Variants in OSBPL8 observed in about 807,000 individuals in gnomAD.
OSBPL8 encodes the protein oxysterol-binding protein-related protein 8.
OSBPL8 carries 59 observed loss-of-function variants against 125.5 expected under a neutral mutation model. That is an observed-to-expected ratio of 0.47 (90% CI 0.38 to 0.58). The LOEUF (loss-of-function observed/expected upper bound fraction) is 0.58. OSBPL8 is among the 20% of genes least tolerant of loss of function. The pLI is 0.00. For synonymous variants in OSBPL8, 330 were observed against 338.9 expected (o/e 0.97, Z 0.29); for missense variants, 758 against 1,047.8 (o/e 0.72, Z 3.82).
rs989354147 is a variant in OSBPL8 at position 76,369,571 on chromosome 12, T to G, written c.2240+66A>C. The G allele has an allele frequency of 2.0e-6, 3 of 1,488,764 alleles. No homozygotes were observed. The African/African-American group carries it at 4.2e-5, about 21-fold the overall frequency. The allele number at this position is 1,488,764 out of a possible 1,614,324, so 92.2% of individuals were successfully genotyped here. ...TAAAAACTACTCCAGCAACAAATAT[T>G]CTAGAAATAAAGGCAACAAACCATG... On this transcript the variant is annotated intron_variant, in intron 20 of 23. Transcript: ENST00000261183.
intron 15 of OSBPL8, among the ~76,000 whole-genome samples, chr12:76,379,109 A>G (rs1373169909): frequency 6.6e-6 from 1 of 152,176 alleles, no homozygotes; most frequent in Non-Finnish European, 1.5e-5. Context: ...GTTACAAGAA[A>G]ATGAGAAAAC....
intron 4 of OSBPL8, among the ~76,000 whole-genome samples, chr12:76,435,101 C>G (rs1871286853): frequency 6.6e-6 from 1 of 151,738 alleles, no homozygotes; most frequent in Non-Finnish European, 1.5e-5. Flanking sequence ...ATGGAAACAA[C>G]CTAAATGTCC....
chr12:76,410,703 G>A, intron 4 of OSBPL8, 69 bp from the exon 5 acceptor site: 4 of 1,064,916 alleles, frequency 3.8e-6, no homozygotes, highest in Non-Finnish European at 5.8e-6. Flanking sequence ...TCATTTTCAA[G>A]TATAGACTAT....
chr12:76,538,695 C>T lies in OSBPL8; in HGVS notation c.-68+20702G>A, dbSNP rs569629569. 4.6e-5 allele frequency among the ~76,000 whole-genome samples: 7 copies of T among 152,154 alleles called. No individual in the cohort carries two copies. In the East Asian group the frequency reaches 1.2e-3, roughly 25 times the overall value. On this transcript the variant is annotated intron_variant, in intron 1 of 23. Coordinates refer to ENST00000261183, the MANE Select transcript of OSBPL8 (RefSeq NM_020841.5). ...CAGTGCAGTGGCTCACACCTGTAAT[C>T]CCAGCACTTTGGGAGGCCAAGGCAG...
intron 1 of OSBPL8, among the ~76,000 whole-genome samples, chr12:76,503,779 G>A (rs766642571): frequency 1.4e-4 from 21 of 151,914 alleles, no homozygotes; most frequent in African/African-American, 3.4e-4. Context: ...TCCTGACCTC[G>A]TGATCCACCT....
At chr12:76,538,716 G>C (rs535371490) in intron 1 of OSBPL8, among the ~76,000 whole-genome samples, 68 of 152,210 alleles carry the variant, frequency 4.5e-4, no homozygotes, top group African/African-American at 1.5e-3. Context: ...GGGAGGCCAA[G>C]GCAGGCAGAT....
chr12:76,388,476 T>C (rs1953415221), intron 12 of OSBPL8, among the ~76,000 whole-genome samples: 1 of 152,156 alleles, frequency 6.6e-6, no homozygotes, highest in African/African-American at 2.4e-5. Flanking sequence ...CAAGAAAATC[T>C]TGTGATTCAC....
At chr12:76,487,187 A>G (rs1878238405) in intron 2 of OSBPL8, among the ~76,000 whole-genome samples, 1 of 151,588 alleles carries the variant, frequency 6.6e-6, no homozygotes, top group South Asian at 2.1e-4. Flanking sequence ...GTGCCACCAC[A>G]CCTGGCTAAT....
Position 76,434,252 on chromosome 12 carries a change from GAA to G in OSBPL8, c.217+16597_217+16598del, listed in dbSNP as rs548081912. Among the ~76,000 whole-genome samples the G allele has an allele frequency of 5.1e-3, 772 of 152,240 alleles. 7 individuals are homozygous for G. The highest frequency in any genetic ancestry group is 0.018 in the African/African-American group (745 of 41,540). ...CAGTGTGCCAAGAACATACAATGAG[GAA>G]AAGATATTCTCTTCAATAAATGGTG... is the stretch of plus-strand genomic sequence containing the variant. On this transcript the variant is annotated intron_variant, in intron 4 of 23. Transcript: ENST00000261183.
At chr12:76,492,692 G>A (rs985032882) in intron 1 of OSBPL8, among the ~76,000 whole-genome samples, 8 of 152,262 alleles carry the variant, frequency 5.3e-5, no homozygotes, top group African/African-American at 1.9e-4. Context: ...ATGCCTGATG[G>A]TCTGTAACTG....
intron 4 of OSBPL8, 130 bp downstream of exon 4, chr12:76,450,721 C>A (rs1873284777): frequency 4.5e-6 from 4 of 889,280 alleles, no homozygotes; most frequent in Non-Finnish European, 5.0e-6. Context: ...ACAAAACAAA[C>A]AAAACCCCTT....
intron 8 of OSBPL8, among the ~76,000 whole-genome samples, chr12:76,396,482 G>C (rs934120633): frequency 1.3e-5 from 2 of 152,160 alleles, no homozygotes; most frequent in African/African-American, 4.8e-5. Context: ...AACTAGGCTA[G>C]GCATGGTGGC....
intron 1 of OSBPL8, among the ~76,000 whole-genome samples, chr12:76,504,322 T>A (rs780000775): frequency 2.0e-5 from 3 of 152,180 alleles, no homozygotes; most frequent in Non-Finnish European, 4.4e-5. Context: ...TATTCATATC[T>A]TATCAATATA....
Position 76,390,390 on chromosome 12 carries a change from C to T in OSBPL8, c.1167+30G>A, listed in dbSNP as rs1953506989. 2.1e-6 allele frequency: 3 copies of T among 1,460,000 alleles called. No individual in the cohort carries two copies. The South Asian group carries it at 3.7e-5, about 18-fold the overall frequency. 90.4% of individuals were successfully genotyped at this position (1,460,000 alleles called of 1,614,324 possible). A position where few individuals can be genotyped will look rare whatever the true frequency, so the allele number is the denominator to read the frequency against. On this transcript the variant is annotated intron_variant, in intron 11 of 23. Transcript: ENST00000261183. ...TAAGAATTCCCAAGAATATGAAAAT[C>T]CAGAACCTCTAAAAATAGCAGACTT... is the stretch of plus-strand genomic sequence containing the variant.
At chr12:76,491,687 A>G (rs1019197953) in intron 1 of OSBPL8, among the ~76,000 whole-genome samples, 1 of 152,190 alleles carries the variant, frequency 6.6e-6, no homozygotes, top group African/African-American at 2.4e-5. Flanking sequence ...AGTGCTTTGC[A>G]TGGTAGACAT....
At chr12:76,452,623 C>A (rs906615913) in intron 3 of OSBPL8, among the ~76,000 whole-genome samples, 7 of 152,170 alleles carry the variant, frequency 4.6e-5, no homozygotes, top group African/African-American at 1.7e-4. Context: ...CTTTTAAAAT[C>A]ATAAATTAGA....
rs756757840 is a variant in OSBPL8, at chr12:76,358,759, G to C, written c.2381C>G (p.Ala794Gly). Residue 794 changes from alanine (A) to glycine (G), a missense_variant, in exon 22 of 24, where the codon GCA becomes GGA. This residue lies in a region of OSBPL8 where 572 missense variants were observed against 762.0 expected (regional missense o/e 0.75). Coordinates refer to ENST00000261183, the MANE Select transcript of OSBPL8 (RefSeq NM_020841.5). ...HKPTRQQKKV[A>G]KGYSSPEPDI... ...AGGTTCTGGGGAGGAATAGCCTTTT[G>C]CTACTTTCTTCTGTTGCCTGGTTGG... 1 of 1,614,064 alleles carries C rather than the reference G, an allele frequency of 6.2e-7. No individual in the cohort carries two copies. Among genetic ancestry groups the C allele is most frequent in the Admixed American group, 1.7e-5 (1 of 60,014 alleles).
intron 1 of OSBPL8, among the ~76,000 whole-genome samples, chr12:76,528,556 T>C (rs970739967): frequency 3.3e-5 from 5 of 152,066 alleles, no homozygotes; most frequent in Admixed American, 1.3e-4. Flanking sequence ...ATGAAGTTAG[T>C]CATCACCCAA....
chr12:76,518,921 G>C (rs538634146), intron 1 of OSBPL8, among the ~76,000 whole-genome samples: 3 of 152,206 alleles, frequency 2.0e-5, no homozygotes, highest in Non-Finnish European at 4.4e-5. Context: ...CTGCTTCTAA[G>C]ATCTCTGGAA....
Sources: gnomAD v4.1 joint callset for allele counts (sites outside exome capture counted in the v4.1 genomes callset) on GRCh38, gnomAD v4.1.1 for gene constraint, gnomAD v4.1.1 regional missense constraint, MANE v1.5 for transcripts, NCBI Gene and HGNC (gene_info 2026-07-23, HGNC 2026-07-21) for gene names.